RPSA2: variants seen among roughly 807,000 people sequenced by gnomAD.
RPSA2 encodes the protein ribosomal protein SA 2.
At chr19:23,822,498 G>C in the RPSA2 span, among the ~76,000 whole-genome samples, 1 of 152,166 alleles carries the variant, frequency 6.6e-6, no homozygotes, top group Non-Finnish European at 1.5e-5. Context: ...CGTGTAGGAG[G>C]GGGTATGATG....
the RPSA2 span, among the ~76,000 whole-genome samples, chr19:23,859,592 A>T: frequency 1.3e-5 from 2 of 150,606 alleles, no homozygotes; most frequent in Non-Finnish European, 2.9e-5. Context: ...ACACCATTGC[A>T]CTCCAGCCTG....
At chr19:23,855,295 A>G in the RPSA2 span, among the ~76,000 whole-genome samples, 5 of 152,212 alleles carry the variant, frequency 3.3e-5, no homozygotes, top group African/African-American at 1.2e-4. Flanking sequence ...GCTGAGATGG[A>G]GTTAGAACAG....
the RPSA2 span, among the ~76,000 whole-genome samples, chr19:23,833,520 AG>A: frequency 2.6e-5 from 4 of 152,244 alleles, no homozygotes; most frequent in Non-Finnish European, 4.4e-5. Flanking sequence ...ACTTGATTGT[AG>A]GTAAGGTAAT....
At chr19:23,795,651 TC>T in the RPSA2 span, among the ~76,000 whole-genome samples, 1 of 152,168 alleles carries the variant, frequency 6.6e-6, no homozygotes, top group African/African-American at 2.4e-5. Context: ...CTGTTTAAGT[TC>T]CTTTTTTTGT....
chr19:23,813,726 G>GTTT, the RPSA2 span, among the ~76,000 whole-genome samples: 1 of 14,330 alleles, frequency 7.0e-5, no homozygotes, highest in African/African-American at 1.7e-4. Flanking sequence ...ATCAACACGG[G>GTTT]TTTCTTTTTT....
At chr19:23,811,885 T>C in the RPSA2 span, among the ~76,000 whole-genome samples, 1 of 152,116 alleles carries the variant, frequency 6.6e-6, no homozygotes, top group African/African-American at 2.4e-5. Context: ...AAACAAAAAA[T>C]TGTCAGTAGT....
chr19:23,826,008 A>C, the RPSA2 span, among the ~76,000 whole-genome samples: 3 of 134,318 alleles, frequency 2.2e-5, no homozygotes, highest in African/African-American at 8.4e-5. Context: ...TATCTCTTTT[A>C]GTTATTATTG....
the RPSA2 span, among the ~76,000 whole-genome samples, chr19:23,820,855 A>G: frequency 6.6e-6 from 1 of 152,148 alleles, no homozygotes; most frequent in Admixed American, 6.5e-5. Flanking sequence ...ACCAAGTGCA[A>G]TGTTACTACT....
the RPSA2 span, among the ~76,000 whole-genome samples, chr19:23,770,984 G>A: frequency 6.6e-6 from 1 of 152,174 alleles, no homozygotes; most frequent in African/African-American, 2.4e-5. Context: ...ACAACCAGTA[G>A]CAGATGTAGT....
At chr19:23,790,330 T>A in the RPSA2 span, among the ~76,000 whole-genome samples, 1 of 152,170 alleles carries the variant, frequency 6.6e-6, no homozygotes, top group South Asian at 2.1e-4. Flanking sequence ...TTATGTATTG[T>A]TAATATACAT....
the RPSA2 span, among the ~76,000 whole-genome samples, chr19:23,824,451 T>C: frequency 6.6e-6 from 1 of 152,252 alleles, no homozygotes; most frequent in Non-Finnish European, 1.5e-5. Context: ...GGAAAACTTG[T>C]TTTTCACATC....
chr19:23,853,695 T>C, the RPSA2 span, among the ~76,000 whole-genome samples: 1 of 152,184 alleles, frequency 6.6e-6, no homozygotes, highest in Admixed American at 6.5e-5. Context: ...CTATAAGAGT[T>C]ATGTGGAATA....
At chr19:23,868,870 A>G in the RPSA2 span, among the ~76,000 whole-genome samples, 1 of 152,162 alleles carries the variant, frequency 6.6e-6, no homozygotes, top group African/African-American at 2.4e-5. Context: ...GCCATGAGCC[A>G]GCTGAGCCTG....
At chr19:23,846,620 G>A in the RPSA2 span, among the ~76,000 whole-genome samples, 3 of 152,116 alleles carry the variant, frequency 2.0e-5, no homozygotes, top group Non-Finnish European at 2.9e-5. Flanking sequence ...CACTTGTGAA[G>A]GTTAATCTAG....
chr19:23,821,776 G>C, the RPSA2 span, among the ~76,000 whole-genome samples: 4 of 152,184 alleles, frequency 2.6e-5, no homozygotes, highest in Non-Finnish European at 5.9e-5. Context: ...TTGGCTCGCT[G>C]TTCAACTTGG....
the RPSA2 span, among the ~76,000 whole-genome samples, chr19:23,761,052 G>GTATATATATA: frequency 6.1e-5 from 9 of 148,052 alleles, no homozygotes; most frequent in African/African-American, 1.7e-4. Flanking sequence ...GTATATATGT[G>GTATATATATA]TATATATATA....
At chr19:23,838,011 G>T in the RPSA2 span, among the ~76,000 whole-genome samples, 1 of 152,234 alleles carries the variant, frequency 6.6e-6, no homozygotes, top group Admixed American at 6.5e-5. Flanking sequence ...GGGCACCCTT[G>T]TCTTGTTCCC....
the RPSA2 span, among the ~76,000 whole-genome samples, chr19:23,841,445 C>G: frequency 6.6e-6 from 1 of 152,118 alleles, no homozygotes; most frequent in Non-Finnish European, 1.5e-5. Flanking sequence ...GCCTGGGCGA[C>G]AGAGCCAGAC....
chr19:23,763,360 C>G, the RPSA2 span, among the ~76,000 whole-genome samples: 1 of 152,220 alleles, frequency 6.6e-6, no homozygotes, highest in Admixed American at 6.5e-5. Context: ...GCAAGCTCTT[C>G]ACGCAGCCTC....
Sources: gnomAD v4.1 joint callset for allele counts (sites outside exome capture counted in the v4.1 genomes callset) on GRCh38, gnomAD v4.1.1 for gene constraint, MANE v1.5 for transcripts, NCBI Gene and HGNC (gene_info 2026-07-23, HGNC 2026-07-21) for gene names.